The following MPHOSPH8 variants were observed in gnomAD, a reference collection of about 807,000 sequenced individuals.
The protein encoded by MPHOSPH8 is M-phase phosphoprotein 8.
A neutral mutation model predicts 87.3 loss-of-function variants in MPHOSPH8; 45 were observed. The observed-to-expected ratio is 0.52, with a 90% CI of 0.41 to 0.66. The LOEUF is 0.66. Ranked by LOEUF, MPHOSPH8 falls within the 30% of genes least tolerant of loss-of-function variation. The pLI is 0.00. For missense variants in MPHOSPH8, 883 were observed against 1,020.2 expected (o/e 0.87, Z 1.83); for synonymous variants, 366 against 376.9 (o/e 0.97, Z 0.33).
rs1257108986 is a variant in MPHOSPH8, at chr13:19,670,220, C to T, written c.2330-16C>T. The T allele has an allele frequency of 6.2e-7, 1 of 1,613,928 alleles. No individual in the cohort carries two copies. Reference sequence around the variant, plus strand: ...GGTTGCCTTTGAAGTAATTCACACACATCTCCCATTTTCAGGCTCTGGCAT... The same window carrying T: ...GGTTGCCTTTGAAGTAATTCACACATATCTCCCATTTTCAGGCTCTGGCAT... On this transcript the variant is annotated splice_polypyrimidine_tract_variant and intron_variant, in intron 11 of 13. Transcript: ENST00000361479.
Position 19,642,307 on chromosome 13 carries a change from T to C in MPHOSPH8, c.369+37T>C, listed in dbSNP as rs769384531. The C allele has an allele frequency of 1.8e-5, 26 of 1,484,480 alleles. No homozygotes were observed. In the Admixed American group the frequency reaches 1.9e-4, roughly 11 times the overall value. The allele number at this position is 1,484,480 out of a possible 1,614,324, so 92.0% of individuals were successfully genotyped here. On this transcript the variant is annotated intron_variant, in intron 2 of 13. Transcript: ENST00000361479. ...TGTCTCATATTTGTTTTTACATACATAAATTTATTGTAAATTTTAACTCTC... is the reference window on the plus strand; with the variant it reads ...TGTCTCATATTTGTTTTTACATACACAAATTTATTGTAAATTTTAACTCTC...
At position 19,673,088 on chromosome 13, in the gene MPHOSPH8, G is replaced by GT. The variant is rs754426334; in HGVS notation, c.*1222dup. 2.5e-4 allele frequency: 72 copies of GT among 292,836 alleles called. No homozygotes were observed. The highest frequency in any genetic ancestry group is 1.4e-3 in the Admixed American group (33 of 23,592). The allele number at this position is 292,836 out of a possible 1,614,324, so 18.1% of individuals were successfully genotyped here. On this transcript the variant is annotated 3_prime_UTR_variant, in exon 14 of 14. Transcript: ENST00000361479. ...AAAAAAGTTTCTTGGAACCTATACGGTTTTTTTTTGTTTTTTTTTTTTGAA... is the reference window on the plus strand; with the variant it reads ...AAAAAAGTTTCTTGGAACCTATACGGTTTTTTTTTTGTTTTTTTTTTTTGAA...
chr13:19,662,940 C>G (rs1179164985), intron 8 of MPHOSPH8, 100 bp from the exon 9 acceptor site: 2 of 1,004,262 alleles, frequency 2.0e-6, no homozygotes, highest in Non-Finnish European at 3.0e-6. Flanking sequence ...GTGATAGAAC[C>G]TGCTGGGTAT....
chr13:19,671,851 T>G lies in MPHOSPH8; in HGVS notation c.2559T>G (p.Gly853=). 1 of 1,614,138 alleles carries G rather than the reference T, an allele frequency of 6.2e-7. No homozygotes were observed. Among genetic ancestry groups the G allele is most frequent in the Non-Finnish European group, 8.5e-7 (1 of 1,180,004 alleles). ...TTCAACAGGTTAAGTTGCTAATAGG[T>G]GCATACAGAGTGCAGCTGCAGTGAC... ...APSAKVKLLI[G]AYRVQLQ Residue 853 remains glycine (G), a synonymous_variant, in exon 14 of 14, where the codon GGT becomes GGG. Coordinates refer to ENST00000361479, the MANE Select transcript of MPHOSPH8 (RefSeq NM_017520.4).
chr13:19,642,055 T>TTTTGGAAA, intron 1 of MPHOSPH8, 60 bp from the exon 2 acceptor site: 2 of 1,143,090 alleles, frequency 1.7e-6, no homozygotes, highest in Non-Finnish European at 2.3e-6. Context: ...TTTTTTTTTT[T>TTTTGGAAA]TGGAAATTTA....
At chr13:19,671,168 T>A in intron 12 of MPHOSPH8, 38 bp from the exon 13 acceptor site, 1 of 1,604,484 alleles carries the variant, frequency 6.2e-7, no homozygotes, top group East Asian at 2.2e-5. Flanking sequence ...TGGTGTAAGT[T>A]TGAAAACACT....
At chr13:19,655,843 G>A (rs983498569) in intron 5 of MPHOSPH8, among the ~76,000 whole-genome samples, 6 of 152,268 alleles carry the variant, frequency 3.9e-5, no homozygotes, top group Admixed American at 1.3e-4. Flanking sequence ...TCACCCAGGC[G>A]GGATGCCTCC....
At chr13:19,646,420 T>A in intron 2 of MPHOSPH8, 23 bp from the exon 3 acceptor site, 3 of 1,390,742 alleles carry the variant, frequency 2.2e-6, no homozygotes, top group Non-Finnish European at 2.8e-6. Flanking sequence ...AATGAATATT[T>A]TAATCTGTTT....
chr13:19,642,671 G>T (rs1350502690), intron 2 of MPHOSPH8, among the ~76,000 whole-genome samples: 2 of 150,238 alleles, frequency 1.3e-5, no homozygotes, highest in Non-Finnish European at 2.9e-5. Context: ...AAATTATCTG[G>T]TGAGGACCTG....
intron 2 of MPHOSPH8, among the ~76,000 whole-genome samples, chr13:19,643,066 A>G (rs764249077): frequency 4.0e-4 from 61 of 152,172 alleles, no homozygotes; most frequent in Admixed American, 2.0e-4. Context: ...ATGGACTTCT[A>G]CTGAACTGTT....
Position 19,657,664 on chromosome 13 carries a change from G to A in MPHOSPH8, c.1577-1331G>A, listed in dbSNP as rs369967925. On this transcript the variant is annotated intron_variant, in intron 5 of 13. Transcript: ENST00000361479. ...GGTTTTGAACCAGTTTGCTTTGTTA[G>A]AGACCACAATCTGAGCTGCAGCTCA... 1.1e-3 allele frequency among the ~76,000 whole-genome samples: 167 copies of A among 152,290 alleles called. 1 individual carries two copies. Among genetic ancestry groups the A allele is most frequent in the African/African-American group, 3.9e-3 (161 of 41,566 alleles).
chr13:19,640,192 A>G (rs1028085991), intron 1 of MPHOSPH8, among the ~76,000 whole-genome samples: 1 of 152,142 alleles, frequency 6.6e-6, no homozygotes, highest in Non-Finnish European at 1.5e-5. Flanking sequence ...ATCTTTGACT[A>G]GTTACTTTAT....
In MPHOSPH8 at chr13:19,647,413, G is replaced by C. The variant is rs1565936088; in HGVS notation, c.1218+122G>C. On this transcript the variant is annotated intron_variant, in intron 3 of 13. Coordinates refer to ENST00000361479, the MANE Select transcript of MPHOSPH8 (RefSeq NM_017520.4). Reference sequence around the variant, plus strand: ...ATGACCATGGGCGGTCATAAATGAAGATCCTCCAGCTTTTGGACACCGCAG... The same window carrying C: ...ATGACCATGGGCGGTCATAAATGAACATCCTCCAGCTTTTGGACACCGCAG... 1.2e-5 allele frequency: 10 copies of C among 800,284 alleles called. No homozygotes were observed. In the South Asian group the frequency reaches 1.9e-4, roughly 15 times the overall value. The allele number at this position is 800,284 out of a possible 1,614,324, so 49.6% of individuals were successfully genotyped here. A position where few individuals can be genotyped will look rare whatever the true frequency, so the allele number is the denominator to read the frequency against.
chr13:19,661,337 AC>A (rs1875520204), intron 7 of MPHOSPH8, among the ~76,000 whole-genome samples: 1 of 152,222 alleles, frequency 6.6e-6, no homozygotes, highest in Non-Finnish European at 1.5e-5. Context: ...ACACAACAAC[AC>A]AAAATGAGCA....
chr13:19,660,063 G>A (rs527697958), intron 7 of MPHOSPH8, among the ~76,000 whole-genome samples: 2 of 146,114 alleles, frequency 1.4e-5, no homozygotes, highest in African/African-American at 5.0e-5. Context: ...CCGGGTTCAC[G>A]CCATTCTCCT....
chr13:19,650,026 T>C lies in MPHOSPH8; in HGVS notation c.1342T>C (p.Phe448Leu). Residue 448 changes from phenylalanine (F) to leucine (L), a missense_variant, in exon 5 of 14, where the codon TTT becomes CTT. Phe to Leu is a conservative substitution (Grantham distance 22, BLOSUM62 0). This residue lies in a region of MPHOSPH8 where 741 missense variants were observed against 841.5 expected (regional missense o/e 0.88). Coordinates refer to ENST00000361479, the MANE Select transcript of MPHOSPH8 (RefSeq NM_017520.4). ...AGCACTTAAGGAAATCAGAAATGCA[T>C]TTGATTTATTTAAATTAACTCCAGA... The part of the protein sequence containing the change: ...LKTLKEIRNA[F>L]DLFKLTPEEK... 6.3e-7 allele frequency: 1 copy of C among 1,597,208 alleles called. No homozygotes were observed. The highest frequency in any genetic ancestry group is 1.1e-5 in the South Asian group (1 of 88,382).
chr13:19,673,286 T>A lies in MPHOSPH8; in HGVS notation c.*1411T>A, dbSNP rs187846462. 2.7e-6 allele frequency: 1 copy of A among 367,972 alleles called. No homozygotes were observed. Among genetic ancestry groups the A allele is most frequent in the Admixed American group, 3.6e-5 (1 of 27,412 alleles). 22.8% of individuals were successfully genotyped at this position (367,972 alleles called of 1,614,324 possible). The stretch of plus-strand genomic sequence containing the variant: ...TCTGGGTTATGGAGAAGTTGAAAAT[T>A]GTTTTGTTCCTCATTAGTTTATAAT... On this transcript the variant is annotated 3_prime_UTR_variant, in exon 14 of 14. Coordinates refer to ENST00000361479, the MANE Select transcript of MPHOSPH8 (RefSeq NM_017520.4).
intron 5 of MPHOSPH8, among the ~76,000 whole-genome samples, chr13:19,654,436 C>T (rs1593479896): frequency 6.6e-6 from 1 of 152,030 alleles, no homozygotes; most frequent in Non-Finnish European, 1.5e-5. Flanking sequence ...TGTAACAGAC[C>T]TGCATGCTCT....
chr13:19,662,341 C>G (rs919392973), intron 8 of MPHOSPH8, among the ~76,000 whole-genome samples: 1 of 152,112 alleles, frequency 6.6e-6, no homozygotes, highest in African/African-American at 2.4e-5. Context: ...CTCACTGTAG[C>G]TTCAAACTCC....
Sources: gnomAD v4.1 joint callset for allele counts (sites outside exome capture counted in the v4.1 genomes callset) on GRCh38, gnomAD v4.1.1 for gene constraint, gnomAD v4.1.1 regional missense constraint, MANE v1.5 for transcripts, NCBI Gene and HGNC (gene_info 2026-07-23, HGNC 2026-07-21) for gene names.